The following CCDC178 variants were observed in gnomAD, a reference collection of about 807,000 sequenced individuals.
CCDC178 encodes coiled-coil domain containing 178.
In CCDC178, 126 loss-of-function variants were observed where a neutral mutation model predicts 117.4. The observed-to-expected ratio is 1.07, with a 90% CI of 0.93 to 1.24. The LOEUF (loss-of-function observed/expected upper bound fraction) is 1.24, where lower values mean the gene tolerates loss of function less well. CCDC178 is among the 50% of genes most tolerant of loss of function. The probability of loss-of-function intolerance (pLI) is 0.00; values close to 1 mark genes in which losing one functional copy is unlikely to be tolerated. For synonymous variants in CCDC178, 283 were observed against 313.4 expected, an observed-to-expected ratio of 0.90 and a Z score of 1.02; for missense variants, 1,030 against 986.9, an observed-to-expected ratio of 1.04 and a Z score of -0.59.
intron 11 of CCDC178, 91 bp downstream of exon 11, chr18:33,323,400 A>G (rs2145009296): frequency 3.8e-6 from 3 of 787,988 alleles, no homozygotes; most frequent in South Asian, 1.1e-4. Flanking sequence ...TTTTCTCTTT[A>G]TCTAAATTTT....
intron 21 of CCDC178, among the ~76,000 whole-genome samples, chr18:33,078,695 A>G (rs1457562863): frequency 6.6e-6 from 1 of 152,162 alleles, no homozygotes; most frequent in Non-Finnish European, 1.5e-5. Context: ...CCACAAAAGG[A>G]AAAAAATGCC....
At chr18:33,351,147 GAT>G (rs1491487545) in intron 7 of CCDC178, among the ~76,000 whole-genome samples, 1,210 of 74,072 alleles carry the variant, frequency 0.016, 8 homozygotes, top group African/African-American at 0.048. Context: ...CACTGATCAT[GAT>G]GTGTGTGTGT....
At chr18:32,980,498 A>C (rs377733816) in intron 21 of CCDC178, among the ~76,000 whole-genome samples, 3 of 140,830 alleles carry the variant, frequency 2.1e-5, no homozygotes, top group Non-Finnish European at 4.5e-5. Context: ...GTGAACCCGG[A>C]AGGCGGAGCT....
chr18:33,306,973 C>T (rs1282988466), intron 11 of CCDC178, among the ~76,000 whole-genome samples: 1 of 152,158 alleles, frequency 6.6e-6, no homozygotes, highest in Non-Finnish European at 1.5e-5. Context: ...TCCCCTTCCA[C>T]TATGATTGTA....
At chr18:32,955,014 G>T (rs2054564903) in intron 22 of CCDC178, among the ~76,000 whole-genome samples, 1 of 152,046 alleles carries the variant, frequency 6.6e-6, no homozygotes, top group Admixed American at 6.6e-5. Context: ...GATGCTAGCT[G>T]TCCAAATTGA....
intron 21 of CCDC178, among the ~76,000 whole-genome samples, chr18:33,045,216 T>C (rs1433517676): frequency 6.6e-6 from 1 of 152,208 alleles, no homozygotes; most frequent in African/African-American, 2.4e-5. Context: ...ATGTATTGCA[T>C]AGAGTCCCTA....
chr18:33,234,628 C>A (rs2059406881), intron 15 of CCDC178, among the ~76,000 whole-genome samples: 1 of 151,970 alleles, frequency 6.6e-6, no homozygotes, highest in Non-Finnish European at 1.5e-5. Flanking sequence ...GTTTGGAAAT[C>A]TAAGGTCAAT....
At chr18:33,132,121 G>A (rs901454655) in intron 20 of CCDC178, among the ~76,000 whole-genome samples, 36 of 151,456 alleles carry the variant, frequency 2.4e-4, no homozygotes, top group African/African-American at 8.2e-4. Flanking sequence ...GGTCTTTAAT[G>A]GCTTTATAAA....
intron 21 of CCDC178, among the ~76,000 whole-genome samples, chr18:33,042,240 G>C (rs1014020067): frequency 2.0e-5 from 3 of 151,760 alleles, no homozygotes; most frequent in Non-Finnish European, 1.5e-5. Context: ...ATCAAACATG[G>C]CACAATTAAT....
At chr18:33,304,991 A>G (rs2144923613) in intron 11 of CCDC178, among the ~76,000 whole-genome samples, 1 of 152,242 alleles carries the variant, frequency 6.6e-6, no homozygotes, top group East Asian at 1.9e-4. Flanking sequence ...TTGATTTGTG[A>G]GCCTTGCTCC....
chr18:33,300,892 T>A (rs1473195400), intron 11 of CCDC178, among the ~76,000 whole-genome samples: 2 of 152,110 alleles, frequency 1.3e-5, no homozygotes, highest in Non-Finnish European at 2.9e-5. Flanking sequence ...ACAGAAAAAT[T>A]CCAAGCAGGC....
chr18:32,937,655 C>A lies in CCDC178; in HGVS notation c.*356G>T, dbSNP rs139031579. The A allele has an allele frequency of 3.8e-3, 849 of 225,768 alleles. 9 individuals carry two copies. The highest frequency in any genetic ancestry group is 0.017 in the African/African-American group (730 of 43,772). The allele number at this position is 225,768 out of a possible 1,614,324, so 14.0% of individuals were successfully genotyped here. On this transcript the variant is annotated 3_prime_UTR_variant, in exon 23 of 23. Transcript: ENST00000383096. ...CTGAATGGCAAAGCCTTTATTTGGG[C>A]CAAGACGATAGGGAAATCTGGGGAA...
chr18:33,375,443 C>T (rs1374733584), intron 5 of CCDC178, among the ~76,000 whole-genome samples: 1 of 152,148 alleles, frequency 6.6e-6, no homozygotes, highest in Non-Finnish European at 1.5e-5. Context: ...TTTCCCAAAT[C>T]TGTCCTTCCT....
intron 14 of CCDC178, among the ~76,000 whole-genome samples, chr18:33,258,385 T>C (rs934732136): frequency 6.6e-6 from 1 of 152,150 alleles, no homozygotes; most frequent in Admixed American, 6.6e-5. Context: ...TGGAATTCTC[T>C]TCCTCAGACG....
intron 22 of CCDC178, among the ~76,000 whole-genome samples, chr18:32,940,486 AATT>A (rs1169746760): frequency 6.6e-6 from 1 of 151,866 alleles, no homozygotes; most frequent in Non-Finnish European, 1.5e-5. Context: ...CACTATTATG[AATT>A]ATTATTATTA....
chr18:33,370,137 G>A lies in CCDC178; in HGVS notation c.261C>T (p.Ala87=), dbSNP rs780258213. Residue 87 remains alanine (A), a synonymous_variant, in exon 6 of 23, where the codon GCC becomes GCT. Coordinates refer to ENST00000383096, the MANE Select transcript of CCDC178 (RefSeq NM_001105528.4). ...CACAAGGTGCTGGAATATTTACTACGGCACAGCTGTGACGTCGACATGGGT... is the reference window on the plus strand; with the variant it reads ...CACAAGGTGCTGGAATATTTACTACAGCACAGCTGTGACGTCGACATGGGT... ...FSYPCRRHSC[A]VVNIPAPCVN... The A allele has an allele frequency of 2.1e-5, 33 of 1,604,296 alleles. No homozygotes were observed. The highest frequency in any genetic ancestry group is 2.4e-5 in the Non-Finnish European group (28 of 1,175,392).
chr18:33,121,725 T>C (rs2057940075), intron 20 of CCDC178, among the ~76,000 whole-genome samples: 1 of 152,278 alleles, frequency 6.6e-6, no homozygotes, highest in Middle Eastern at 3.4e-3. Flanking sequence ...TTAACCTCTC[T>C]GAACTTCATT....
chr18:33,370,226 T>A, intron 5 of CCDC178, 37 bp from the exon 6 acceptor site: 1 of 1,464,390 alleles, frequency 6.8e-7, no homozygotes, highest in Non-Finnish European at 9.1e-7. Flanking sequence ...ACTCATTCTA[T>A]ACAAAGTAGT....
intron 5 of CCDC178, among the ~76,000 whole-genome samples, chr18:33,371,784 T>C (rs199514477): frequency 0.043 from 6,266 of 144,260 alleles, 201 homozygotes; most frequent in African/African-American, 0.093. Context: ...TAAACATATA[T>C]ACACACACAC....
Sources: allele counts gnomAD v4.1 joint callset (sites outside exome capture counted in the v4.1 genomes callset), GRCh38; gene constraint gnomAD v4.1.1; transcripts MANE v1.5; gene names NCBI Gene and HGNC (gene_info 2026-07-23, HGNC 2026-07-21).